The following CADPS variants were observed in gnomAD, a reference collection of about 807,000 sequenced individuals.
CADPS encodes calcium dependent secretion activator.
CADPS carries 57 observed loss-of-function variants against 167.3 expected under a neutral mutation model. The observed-to-expected ratio is 0.34, with a 90% CI of 0.28 to 0.42. The LOEUF is 0.42. CADPS is among the 20% of genes least tolerant of loss of function. The pLI is 1.00. For missense variants in CADPS, 1,414 were observed against 1,738.1 expected, an observed-to-expected ratio of 0.81 and a Z score of 3.32; for synonymous variants, 676 against 635.3, an observed-to-expected ratio of 1.06 and a Z score of -0.96.
intron 1 of CADPS, among the ~76,000 whole-genome samples, chr3:62,784,867 A>G (rs964882368): frequency 6.6e-6 from 1 of 152,198 alleles, no homozygotes; most frequent in Admixed American, 6.5e-5. Flanking sequence ...GATTTGAATG[A>G]GTGAACTAGA....
chr3:62,522,902 C>T lies in CADPS; in HGVS notation c.2292-4652G>A, dbSNP rs140597527. Among the ~76,000 whole-genome samples the T allele has an allele frequency of 4.1e-3, 622 of 152,278 alleles. 6 individuals carry two copies. The highest frequency in any genetic ancestry group is 0.017 in the South Asian group (82 of 4,822). ...TGAAGCCTGGAAGCTCTCCCACCTG[C>T]GGGCCATCACTGGAGCCAGAAATGA... On this transcript the variant is annotated intron_variant, in intron 13 of 29. Coordinates refer to ENST00000383710, the MANE Select transcript of CADPS (RefSeq NM_003716.4).
At position 62,458,846 on chromosome 3, in the gene CADPS, G is replaced by A. The variant is rs536259859; in HGVS notation, c.3636+6521C>T. Among the ~76,000 whole-genome samples the A allele has an allele frequency of 2.0e-5, 3 of 152,334 alleles. No homozygotes were observed. The highest frequency in any genetic ancestry group is 7.2e-5 in the African/African-American group (3 of 41,570). On this transcript the variant is annotated intron_variant, in intron 26 of 29. Transcript: ENST00000383710. This position sits in a 1 kb window ranked among gnomAD's most constrained non-coding sequence, Gnocchi z 4.6. ...GACCACACAGTCTGGAGAAAATACT[G>A]TGTGTGTCTTATGTTTGCTTTGAAT...
chr3:62,617,629 T>C (rs2062530023), intron 6 of CADPS, among the ~76,000 whole-genome samples: 2 of 152,096 alleles, frequency 1.3e-5, no homozygotes, highest in South Asian at 4.1e-4. Context: ...CTAAGGATCA[T>C]ATAATGTGGG....
intron 1 of CADPS, among the ~76,000 whole-genome samples, chr3:62,822,534 A>T (rs1244487672): frequency 6.6e-6 from 1 of 152,172 alleles, no homozygotes. Flanking sequence ...TGCTCATTTG[A>T]TATAGAAACA....
intron 9 of CADPS, among the ~76,000 whole-genome samples, chr3:62,561,502 T>C (rs1013493910): frequency 3.3e-5 from 5 of 151,824 alleles, no homozygotes; most frequent in African/African-American, 1.2e-4. Context: ...ACTCCTGGGC[T>C]CAAGTGATCT....
chr3:62,828,732 A>T (rs1011966655), intron 1 of CADPS, among the ~76,000 whole-genome samples: 3 of 152,018 alleles, frequency 2.0e-5, no homozygotes, highest in Non-Finnish European at 4.4e-5. Flanking sequence ...CAGCAGATTT[A>T]AAAAAATTAT....
Position 62,862,431 on chromosome 3 carries a change from G to A in CADPS, c.441+12158C>T, listed in dbSNP as rs148654616. Among the ~76,000 whole-genome samples the A allele has an allele frequency of 3.9e-4, 59 of 152,028 alleles. 2 individuals carry two copies. The highest frequency in any genetic ancestry group is 1.4e-3 in the African/African-American group (56 of 41,470). On this transcript the variant is annotated intron_variant, in intron 1 of 29. Transcript: ENST00000383710. ...AGGGTTTCACCACGTTGGCCAGGAT[G>A]GTCTCAATCTCTTGTGATCTACTCA... is the stretch of plus-strand genomic sequence containing the variant.
intron 9 of CADPS, among the ~76,000 whole-genome samples, chr3:62,559,651 T>C (rs1001323037): frequency 2.6e-5 from 4 of 152,244 alleles, no homozygotes; most frequent in East Asian, 3.9e-4. Flanking sequence ...TGCGCCACCA[T>C]GTCTGGCTAA....
chr3:62,541,079 C>G (rs1209130164), intron 11 of CADPS, among the ~76,000 whole-genome samples: 1 of 152,128 alleles, frequency 6.6e-6, no homozygotes, highest in Non-Finnish European at 1.5e-5. Context: ...GCTTAAAACC[C>G]CAGTGATGTT....
At chr3:62,746,858 G>A (rs550715097) in intron 3 of CADPS, among the ~76,000 whole-genome samples, 1 of 152,212 alleles carries the variant, frequency 6.6e-6, no homozygotes, top group African/African-American at 2.4e-5. Context: ...CTTAACAGAC[G>A]ACCTGGCTAA....
chr3:62,751,065 T>C (rs1266792641), intron 3 of CADPS, among the ~76,000 whole-genome samples: 2 of 152,188 alleles, frequency 1.3e-5, no homozygotes, highest in East Asian at 1.9e-4. Flanking sequence ...GAAGGTTTTC[T>C]GCTGCAAACT....
chr3:62,838,735 T>C (rs1223564051), intron 1 of CADPS, among the ~76,000 whole-genome samples: 3 of 152,184 alleles, frequency 2.0e-5, no homozygotes, highest in Non-Finnish European at 4.4e-5. Context: ...ACCTGAGATA[T>C]AGTCAGTGTT....
chr3:62,468,991 T>A (rs957914779), intron 24 of CADPS, among the ~76,000 whole-genome samples: 2 of 152,182 alleles, frequency 1.3e-5, no homozygotes, highest in Non-Finnish European at 2.9e-5. Flanking sequence ...TGTGGCAGTA[T>A]TACTACTACT....
rs1425352526 is a variant in CADPS, at chr3:62,465,688, C to T, written c.3553-238G>A. ...GCAAATATAGAGTGTTACAGAAGTG[C>T]AAAGTGACAAAATATTATTGAGTTG... On this transcript the variant is annotated intron_variant, in intron 25 of 29. Coordinates refer to ENST00000383710, the MANE Select transcript of CADPS (RefSeq NM_003716.4). This position sits in a 1 kb window ranked among gnomAD's most constrained non-coding sequence, Gnocchi z 4.1. Among the ~76,000 whole-genome samples the T allele has an allele frequency of 6.6e-6, 1 of 152,130 alleles. No individual in the cohort carries two copies. Among genetic ancestry groups the T allele is most frequent in the East Asian group, 1.9e-4 (1 of 5,190 alleles).
intron 3 of CADPS, among the ~76,000 whole-genome samples, chr3:62,729,646 G>C (rs2077386940): frequency 6.6e-6 from 1 of 151,902 alleles, no homozygotes; most frequent in Non-Finnish European, 1.5e-5. Flanking sequence ...GGGTTGTTGA[G>C]TGAGAATTAA....
At chr3:62,417,585 A>G (rs2050394946) in intron 28 of CADPS, among the ~76,000 whole-genome samples, 1 of 152,112 alleles carries the variant, frequency 6.6e-6, no homozygotes, top group Non-Finnish European at 1.5e-5. Flanking sequence ...GCACCTGGCC[A>G]GAACAGAAGA....
chr3:62,405,280 G>T (rs1227303692), intron 28 of CADPS, among the ~76,000 whole-genome samples: 1 of 151,854 alleles, frequency 6.6e-6, no homozygotes, highest in Admixed American at 6.6e-5. Flanking sequence ...CTCATGAGGG[G>T]TACATCTCAG....
At chr3:62,795,261 G>C (rs142662364) in intron 1 of CADPS, among the ~76,000 whole-genome samples, 4 of 152,070 alleles carry the variant, frequency 2.6e-5, no homozygotes, top group Admixed American at 6.6e-5. Flanking sequence ...CCATCTCTAA[G>C]AGGCTTGCTC....
intron 20 of CADPS, among the ~76,000 whole-genome samples, chr3:62,491,814 T>G (rs745845530): frequency 6.6e-6 from 1 of 152,122 alleles, no homozygotes; most frequent in Non-Finnish European, 1.5e-5. Flanking sequence ...CTTCTTCCCA[T>G]TAAGTTCCTA....
Sources: gnomAD v4.1 joint callset for allele counts (sites outside exome capture counted in the v4.1 genomes callset) on GRCh38, gnomAD v4.1.1 for gene constraint, Gnocchi (gnomAD v3.1) non-coding constraint, MANE v1.5 for transcripts, NCBI Gene and HGNC (gene_info 2026-07-23, HGNC 2026-07-21) for gene names.